The following TRAF5 variants were observed in gnomAD, a reference collection of about 807,000 sequenced individuals.
TRAF5 encodes the protein TNF receptor-associated factor 5.
A neutral mutation model predicts 64.5 loss-of-function variants in TRAF5; 48 were observed. The ratio of observed to expected loss-of-function variants is 0.74; its 90% CI spans 0.59 to 0.95. The LOEUF (loss-of-function observed/expected upper bound fraction) is 0.95, where lower values mean the gene tolerates loss of function less well. TRAF5 is among the 40% of genes least tolerant of loss of function. The pLI is 0.00. For synonymous variants in TRAF5, 206 were observed against 240.5 expected, an observed-to-expected ratio of 0.86 and a Z score of 1.33; for missense variants, 545 against 662.8, an observed-to-expected ratio of 0.82 and a Z score of 1.95.
At position 211,336,949 on chromosome 1, in the gene TRAF5, G is replaced by A. The variant is rs374429851; in HGVS notation, c.-2+10060G>A. On this transcript the variant is annotated intron_variant, in intron 1 of 10. Coordinates refer to ENST00000261464, the MANE Select transcript of TRAF5 (RefSeq NM_001033910.3). ...GCCGGGATTAAAGGCGTGAGCCGCT[G>A]CACCTGGCCAGACCTCAACTGATCC... Among the ~76,000 whole-genome samples, 332 of 152,362 alleles carry A rather than the reference G, an allele frequency of 2.2e-3. 2 individuals carry two copies. Among genetic ancestry groups the A allele is most frequent in the African/African-American group, 7.8e-3 (324 of 41,598 alleles).
chr1:211,346,969 G>C (rs1193388003), intron 1 of TRAF5, among the ~76,000 whole-genome samples: 2 of 152,186 alleles, frequency 1.3e-5, no homozygotes, highest in African/African-American at 4.8e-5. Flanking sequence ...TGTCTCTTTT[G>C]GCTTGAGTTA....
chr1:211,369,687 A>G (rs1044102366), intron 9 of TRAF5, 95 bp downstream of exon 9: 13 of 1,299,434 alleles, frequency 1.0e-5, no homozygotes, highest in Non-Finnish European at 1.4e-5. Flanking sequence ...AATTTAAAAT[A>G]TACAGAAAAG....
chr1:211,370,355 C>G (rs1703481025), intron 9 of TRAF5, among the ~76,000 whole-genome samples: 1 of 150,364 alleles, frequency 6.7e-6, no homozygotes, highest in African/African-American at 2.5e-5. Flanking sequence ...AATTTCCATA[C>G]TTGGCCAGCA....
At chr1:211,346,758 G>A (rs149492288) in intron 1 of TRAF5, among the ~76,000 whole-genome samples, 1 of 152,286 alleles carries the variant, frequency 6.6e-6, no homozygotes, top group African/African-American at 2.4e-5. Flanking sequence ...CAGAATGTGA[G>A]AATATTTGTC....
chr1:211,370,408 CA>C (rs1703484630), intron 9 of TRAF5, among the ~76,000 whole-genome samples: 6 of 151,798 alleles, frequency 4.0e-5, no homozygotes, highest in African/African-American at 4.8e-5. Context: ...CACACACACA[CA>C]CACCCTTCAT....
chr1:211,345,956 A>G (rs1223405278), intron 1 of TRAF5, among the ~76,000 whole-genome samples: 3 of 152,182 alleles, frequency 2.0e-5, no homozygotes, highest in East Asian at 1.9e-4. Context: ...ACCCTACCTC[A>G]TGCTGCAGAG....
rs1366871026 is a variant in TRAF5 at position 211,373,892 on chromosome 1, C to T, written c.*1190C>T. ...GGATTACAGGCGCCCGTCACCACAC[C>T]CAGGTAATTTTTGTATTTTTAGTAG... On this transcript the variant is annotated 3_prime_UTR_variant, in exon 11 of 11. Coordinates refer to ENST00000261464, the MANE Select transcript of TRAF5 (RefSeq NM_001033910.3). 2 of 152,172 alleles carry T rather than the reference C, an allele frequency of 1.3e-5. No individual in the cohort carries two copies. The highest frequency in any genetic ancestry group is 2.4e-5 in the African/African-American group (1 of 41,386). The allele number at this position is 152,172 out of a possible 1,614,324, so 9.4% of individuals were successfully genotyped here. A position where few individuals can be genotyped will look rare whatever the true frequency, so the allele number is the denominator to read the frequency against.
At chr1:211,362,699 C>T (rs1303102118) in intron 7 of TRAF5, among the ~76,000 whole-genome samples, 1 of 151,880 alleles carries the variant, frequency 6.6e-6, no homozygotes, top group Non-Finnish European at 1.5e-5. Context: ...ACGAAAAAAC[C>T]CCCCCAACAA....
intron 8 of TRAF5, among the ~76,000 whole-genome samples, chr1:211,367,965 A>G (rs1028786858): frequency 6.6e-6 from 1 of 152,220 alleles, no homozygotes. Flanking sequence ...AAGCATGATA[A>G]TGATGATTTA....
Position 211,338,576 on chromosome 1 carries a change from G to A in TRAF5, c.-2+11687G>A, listed in dbSNP as rs529651766. 2.7e-4 allele frequency among the ~76,000 whole-genome samples: 41 copies of A among 152,254 alleles called. No individual in the cohort carries two copies. In the South Asian group the frequency reaches 6.8e-3, roughly 25 times the overall value. ...CAGGAATTGTGTGATAATAATTTACGTGGATTAATTCATTTAATCTTAACT... is the reference window on the plus strand; with the variant it reads ...CAGGAATTGTGTGATAATAATTTACATGGATTAATTCATTTAATCTTAACT... On this transcript the variant is annotated intron_variant, in intron 1 of 10. Coordinates refer to ENST00000261464, the MANE Select transcript of TRAF5 (RefSeq NM_001033910.3).
At chr1:211,342,130 G>A (rs1009347174) in intron 1 of TRAF5, among the ~76,000 whole-genome samples, 1 of 152,210 alleles carries the variant, frequency 6.6e-6, no homozygotes, top group Non-Finnish European at 1.5e-5. Context: ...CAGCTCCTCT[G>A]TGGTAGCACA....
intron 8 of TRAF5, among the ~76,000 whole-genome samples, chr1:211,367,709 AC>A (rs1285410891): frequency 2.0e-5 from 3 of 152,158 alleles, no homozygotes; most frequent in Admixed American, 1.3e-4. Flanking sequence ...GCAGAGAGAG[AC>A]AAGGAGTTTG....
At chr1:211,371,174 G>A (rs1477396115) in intron 9 of TRAF5, 128 bp from the exon 10 acceptor site, 4 of 880,336 alleles carry the variant, frequency 4.5e-6, no homozygotes, top group Non-Finnish European at 6.7e-6. Context: ...TTATTTTCTG[G>A]GCTTGTATTT....
intron 1 of TRAF5, among the ~76,000 whole-genome samples, chr1:211,338,103 G>A (rs1056917885): frequency 3.3e-5 from 5 of 152,172 alleles, no homozygotes; most frequent in Non-Finnish European, 5.9e-5. Flanking sequence ...AAGCTGCCAC[G>A]ATGATCTGAC....
At chr1:211,363,644 A>G (rs1356889868) in intron 7 of TRAF5, among the ~76,000 whole-genome samples, 1 of 152,252 alleles carries the variant, frequency 6.6e-6, no homozygotes, top group Non-Finnish European at 1.5e-5. Flanking sequence ...TTTGTCACAT[A>G]TCAAACCAGA....
chr1:211,329,641 GC>G (rs1282067889), intron 1 of TRAF5, among the ~76,000 whole-genome samples: 1 of 152,182 alleles, frequency 6.6e-6, no homozygotes, highest in Non-Finnish European at 1.5e-5. Flanking sequence ...GAGAGAACCA[GC>G]GAGACAGTCA....
At chr1:211,366,657 A>G (rs1703364775) in intron 8 of TRAF5, among the ~76,000 whole-genome samples, 1 of 152,178 alleles carries the variant, frequency 6.6e-6, no homozygotes, top group Non-Finnish European at 1.5e-5. Context: ...AAGGACATCC[A>G]AAAGGGAGAG....
rs1201301100 is a variant in TRAF5 at position 211,361,193 on chromosome 1, C to T, written c.696+31C>T. 6 of 1,590,214 alleles carry T rather than the reference C, an allele frequency of 3.8e-6. No individual in the cohort carries two copies. In the Admixed American group the frequency reaches 6.7e-5, roughly 18 times the overall value. Reference sequence around the variant, plus strand: ...GAATGACTTTTTGTTTCTGCCTATACATTCTACTGTATAATTCACTTGGCA... The same window carrying T: ...GAATGACTTTTTGTTTCTGCCTATATATTCTACTGTATAATTCACTTGGCA... On this transcript the variant is annotated intron_variant, in intron 7 of 10. Coordinates refer to ENST00000261464, the MANE Select transcript of TRAF5 (RefSeq NM_001033910.3).
chr1:211,330,082 C>G (rs546223104), intron 1 of TRAF5, among the ~76,000 whole-genome samples: 3 of 152,198 alleles, frequency 2.0e-5, no homozygotes, highest in Non-Finnish European at 4.4e-5. Flanking sequence ...TTTACAGTGA[C>G]AGTGGTGAGC....
Sources: gnomAD v4.1 joint callset for allele counts (sites outside exome capture counted in the v4.1 genomes callset) on GRCh38, gnomAD v4.1.1 for gene constraint, MANE v1.5 for transcripts, NCBI Gene and HGNC (gene_info 2026-07-23, HGNC 2026-07-21) for gene names.